TRPC5: variants seen among roughly 807,000 people sequenced by gnomAD.
TRPC5 encodes the protein transient receptor potential cation channel subfamily C member 5, also known as short transient receptor potential channel 5.
In TRPC5, 9 loss-of-function variants were observed where a neutral mutation model predicts 56.5. That is an observed-to-expected ratio of 0.16 (90% confidence interval 0.10 to 0.28). The LOEUF (loss-of-function observed/expected upper bound fraction) is 0.28, where lower values mean the gene tolerates loss of function less well. Among genes scored for constraint, TRPC5 ranks in the 10% least tolerant of loss-of-function variants. The probability of loss-of-function intolerance (pLI) is 1.00; values close to 1 mark genes in which losing one functional copy is unlikely to be tolerated. For synonymous variants in TRPC5, 282 were observed against 278.5 expected (o/e 1.01, Z -0.13); for missense variants, 469 against 748.9 (o/e 0.63, Z 4.36).
In TRPC5 at chrX:111,817,318, A is replaced by G. The variant is rs1324661203; in HGVS notation, c.1896+17603T>C. 3.0e-5 allele frequency among the ~76,000 whole-genome samples: 3 copies of G among 98,990 alleles called. No homozygotes were observed. In the Admixed American group the frequency reaches 3.3e-4, roughly 11 times the overall value. 86.0% of individuals were successfully genotyped at this position (98,990 alleles called of 115,157 possible). On this transcript the variant is annotated intron_variant, in intron 7 of 10. Coordinates refer to ENST00000262839, the MANE Select transcript of TRPC5 (RefSeq NM_012471.3). ...CTAGCACATTCACATACTTTCTCTT[A>G]TCTGATTTTTTTTTTTTTTTTTTTT...
At chrX:111,918,971 C>G (rs918976189) in intron 2 of TRPC5, among the ~76,000 whole-genome samples, 1 of 109,512 alleles carries the variant, frequency 9.1e-6, no homozygotes, top group Non-Finnish European at 1.9e-5. Flanking sequence ...AGTGATGACA[C>G]GTATTGGGCT....
At chrX:111,943,922 C>T (rs186397747) in intron 2 of TRPC5, among the ~76,000 whole-genome samples, 104 of 112,281 alleles carry the variant, frequency 9.3e-4, no homozygotes, top group East Asian at 2.3e-3. Context: ...CCATACCATA[C>T]GACATGCTAA....
chrX:112,079,595 C>G (rs1265847477), intron 1 of TRPC5, among the ~76,000 whole-genome samples: 1 of 112,159 alleles, frequency 8.9e-6, no homozygotes, highest in Admixed American at 9.4e-5. Context: ...ATCTTCGGTT[C>G]TCTCATATTC....
At chrX:112,014,451 T>G (rs1372680844) in intron 1 of TRPC5, among the ~76,000 whole-genome samples, 1 of 112,530 alleles carries the variant, frequency 8.9e-6, no homozygotes, top group Non-Finnish European at 1.9e-5. Flanking sequence ...TATGCTTGGC[T>G]CTTTACAGTT....
intron 3 of TRPC5, 109 bp from the exon 4 acceptor site, chrX:111,854,215 A>T (rs1017755456): frequency 3.6e-6 from 3 of 832,402 alleles, no homozygotes; most frequent in Non-Finnish European, 5.0e-6. Flanking sequence ...TTACATGGCC[A>T]ATCCCCAGAA....
chrX:111,956,714 T>C (rs1365394066), intron 1 of TRPC5, among the ~76,000 whole-genome samples: 1 of 111,394 alleles, frequency 9.0e-6, no homozygotes, highest in Non-Finnish European at 1.9e-5. Flanking sequence ...ATTCTTTCCC[T>C]GAAAGGTCCA....
rs765261979 is a variant in TRPC5, at chrX:111,774,513, C to T, written c.*1800G>A. 2.7e-5 allele frequency: 3 copies of T among 111,359 alleles called. No individual in the cohort carries two copies. 9.2% of individuals were successfully genotyped at this position (111,359 alleles called of 1,213,427 possible). A position where few individuals can be genotyped will look rare whatever the true frequency, so the allele number is the denominator to read the frequency against. ...AGTAAATAACCACTTCAGATATGAT[C>T]AAGGAATTATTTTCGGACAACCTCT... On this transcript the variant is annotated 3_prime_UTR_variant, in exon 11 of 11. Transcript: ENST00000262839.
intron 1 of TRPC5, among the ~76,000 whole-genome samples, chrX:112,078,819 C>T (rs1194739558): frequency 1.8e-5 from 2 of 112,037 alleles, no homozygotes. Context: ...TCATTCCTTG[C>T]TGGCAGTATG....
intron 2 of TRPC5, among the ~76,000 whole-genome samples, chrX:111,933,877 T>A (rs1926489836): frequency 9.0e-6 from 1 of 111,300 alleles, no homozygotes; most frequent in African/African-American, 3.3e-5. Context: ...AATTTATTTT[T>A]ATTTATTATT....
intron 7 of TRPC5, among the ~76,000 whole-genome samples, chrX:111,817,882 GATA>G (rs1188606812): frequency 9.0e-6 from 1 of 111,388 alleles, no homozygotes. Context: ...AATTCAGTGG[GATA>G]ATAACTGGAG....
intron 1 of TRPC5, among the ~76,000 whole-genome samples, chrX:112,065,855 A>T (rs138776946): frequency 0.031 from 3,382 of 108,604 alleles, 124 homozygotes; most frequent in African/African-American, 0.11. Context: ...TGGATGACAG[A>T]GCAAGACTCT....
chrX:111,957,215 G>A (rs1927259871), intron 1 of TRPC5, among the ~76,000 whole-genome samples: 1 of 111,572 alleles, frequency 9.0e-6, no homozygotes. Flanking sequence ...ATTATACTGT[G>A]GCTTTTTGTT....
intron 1 of TRPC5, among the ~76,000 whole-genome samples, chrX:111,966,918 A>G (rs954979962): frequency 2.0e-5 from 2 of 99,333 alleles, no homozygotes; most frequent in African/African-American, 8.9e-5. Flanking sequence ...CAAAACTGGC[A>G]CAAGACAGGG....
At position 111,910,540 on chromosome X, in the gene TRPC5, A is replaced by T. The variant is rs28537158; in HGVS notation, c.900+1751T>A. ...GAATAATTATAGCCGCTAATAGTAA[A>T]TTTTTTTTTGATACACAGTCTCACT... On this transcript the variant is annotated intron_variant, in intron 3 of 10. Coordinates refer to ENST00000262839, the MANE Select transcript of TRPC5 (RefSeq NM_012471.3). Among the ~76,000 whole-genome samples the T allele has an allele frequency of 2.7e-5, 3 of 111,151 alleles. No homozygotes were observed. In the South Asian group the frequency reaches 1.1e-3, roughly 42 times the overall value.
chrX:112,063,682 A>T (rs916946400), intron 1 of TRPC5, among the ~76,000 whole-genome samples: 1 of 112,596 alleles, frequency 8.9e-6, no homozygotes, highest in African/African-American at 3.2e-5. Context: ...TCTTTGAAGA[A>T]AAAGAGATAT....
At chrX:111,839,647 GGC>G (rs1428634667) in intron 6 of TRPC5, among the ~76,000 whole-genome samples, 5 of 111,516 alleles carry the variant, frequency 4.5e-5, no homozygotes, top group African/African-American at 1.6e-4. Flanking sequence ...TATATAAAAT[GGC>G]ATAGTGTTTA....
At chrX:112,021,379 C>G (rs1929268386) in intron 1 of TRPC5, among the ~76,000 whole-genome samples, 1 of 111,486 alleles carries the variant, frequency 9.0e-6, no homozygotes, top group Admixed American at 9.6e-5. Context: ...ATAGGTGCTT[C>G]CATCTAATTA....
chrX:112,055,406 G>C (rs1361322513), intron 1 of TRPC5, among the ~76,000 whole-genome samples: 1 of 110,437 alleles, frequency 9.1e-6, no homozygotes, highest in Non-Finnish European at 1.9e-5. Context: ...CTTTTTTTTT[G>C]GCGGTGGGGG....
intron 6 of TRPC5, among the ~76,000 whole-genome samples, chrX:111,837,906 CA>C (rs757607444): frequency 0.025 from 1,053 of 42,641 alleles, 18 homozygotes; most frequent in African/African-American, 0.063. Context: ...GCCCCGTTAT[CA>C]AAAAAAAAAA....
Sources: gnomAD v4.1 joint callset for allele counts (sites outside exome capture counted in the v4.1 genomes callset) on GRCh38, gnomAD v4.1.1 for gene constraint, MANE v1.5 for transcripts, NCBI Gene and HGNC (gene_info 2026-07-23, HGNC 2026-07-21) for gene names.